JAG1: variants seen among roughly 807,000 people sequenced by gnomAD.
JAG1 encodes the protein protein jagged-1.
A neutral mutation model predicts 148.7 loss-of-function variants in JAG1; 23 were observed. The observed-to-expected ratio is 0.15, with a 90% CI of 0.11 to 0.22. JAG1 has a LOEUF of 0.22. Among genes scored for constraint, JAG1 ranks in the 10% least tolerant of loss-of-function variants. The pLI, the probability that JAG1 is intolerant of heterozygous loss-of-function variation, is 1.00. For missense variants in JAG1, 1,054 were observed against 1,611.2 expected, an observed-to-expected ratio of 0.65 and a Z score of 5.92; for synonymous variants, 572 against 598.3, an observed-to-expected ratio of 0.96 and a Z score of 0.64.
chr20:10,660,444 G>A (rs1277038583), intron 3 of JAG1, among the ~76,000 whole-genome samples: 2 of 152,168 alleles, frequency 1.3e-5, no homozygotes, highest in Non-Finnish European at 2.9e-5. Context: ...ATTACCACGC[G>A]CTTACAAGAT....
intron 25 of JAG1, 121 bp from the exon 26 acceptor site, chr20:10,640,076 G>C (rs533798218): frequency 1.3e-6 from 1 of 786,958 alleles, no homozygotes; most frequent in African/African-American, 1.7e-5. Context: ...GGGGGCCACA[G>C]GGACAAGTCC....
In JAG1 at chr20:10,638,171, G is replaced by C. The variant is rs887265634; in HGVS notation, c.*1327C>G. ...ATCTTGAACTTCGTAATAGCACTTT[G>C]ATTTCCTCACTTAAGGCAGGCAGTG... is the stretch of plus-strand genomic sequence containing the variant. On this transcript the variant is annotated 3_prime_UTR_variant, in exon 26 of 26. Transcript: ENST00000254958. 17 of 152,470 alleles carry C rather than the reference G, an allele frequency of 1.1e-4. No homozygotes were observed. The highest frequency in any genetic ancestry group is 3.9e-4 in the African/African-American group (16 of 41,410). The allele number at this position is 152,470 out of a possible 1,614,324, so 9.4% of individuals were successfully genotyped here.
chr20:10,662,339 A>G (rs1268624299), intron 3 of JAG1: 1 of 152,262 alleles, frequency 6.6e-6, no homozygotes, highest in Non-Finnish European at 1.5e-5. Flanking sequence ...CCCAGGGGAC[A>G]TAACTCCCTG....
intron 2 of JAG1, among the ~76,000 whole-genome samples, chr20:10,668,952 G>T (rs1222762277): frequency 6.6e-6 from 1 of 151,654 alleles, no homozygotes. Context: ...ATTCCTATAA[G>T]TACTGGAGGT....
intron 5 of JAG1, among the ~76,000 whole-genome samples, chr20:10,656,085 A>G (rs1057233225): frequency 2.0e-5 from 3 of 152,218 alleles, no homozygotes; most frequent in African/African-American, 7.2e-5. Flanking sequence ...ACAAGCCCAC[A>G]TCCCTCCATC....
intron 5 of JAG1, among the ~76,000 whole-genome samples, chr20:10,655,196 C>T (rs1168305421): frequency 4.6e-5 from 7 of 152,100 alleles, no homozygotes; most frequent in East Asian, 3.8e-4. Flanking sequence ...ACAGACGGAG[C>T]GGTGGAATCA....
Position 10,649,097 on chromosome 20 carries a change from G to A in JAG1, c.1359C>T (p.Asp453=), listed in dbSNP as rs2067328691. Reference sequence around the variant, plus strand: ...CGTCATTCTGACACTGGCCAAGGCAGTCATTAATATCTAAAAAATAAATAA... The same window carrying A: ...CGTCATTCTGACACTGGCCAAGGCAATCATTAATATCTAAAAAATAAATAA... The part of the protein sequence containing the change: ...MGQNCDININ[D]CLGQCQNDAS... Residue 453 remains aspartate (D), a synonymous_variant, in exon 11 of 26, where the codon GAC becomes GAT. Transcript: ENST00000254958. 2 of 1,604,914 alleles carry A rather than the reference G, an allele frequency of 1.2e-6. No individual in the cohort carries two copies. The highest frequency in any genetic ancestry group is 2.2e-5 in the South Asian group (2 of 90,806).
chr20:10,671,998 G>A (rs1216572351), intron 2 of JAG1, among the ~76,000 whole-genome samples: 1 of 151,834 alleles, frequency 6.6e-6, no homozygotes, highest in African/African-American at 2.4e-5. Flanking sequence ...CTGTTCCAGA[G>A]CCCGGGAACC....
intron 3 of JAG1, chr20:10,662,183 A>G (rs2067421787): frequency 6.6e-6 from 1 of 152,202 alleles, no homozygotes; most frequent in Non-Finnish European, 1.5e-5. Context: ...CTTGAGGTTT[A>G]AAAGAACTTT....
chr20:10,649,020 G>A (rs758163483), intron 11 of JAG1, 41 bp downstream of exon 11: 2 of 1,499,844 alleles, frequency 1.3e-6, no homozygotes, highest in Admixed American at 3.3e-5. Context: ...AAGATTTGTT[G>A]TCAATTGTCA....
intron 19 of JAG1, 79 bp from the exon 20 acceptor site, chr20:10,643,942 C>T: frequency 9.4e-7 from 1 of 1,064,722 alleles, no homozygotes; most frequent in Non-Finnish European, 1.4e-6. Context: ...TGTCACCACA[C>T]CAGTTACAGT....
At chr20:10,669,546 CCAAAAAAAAAAAAAAAAA>C (rs2067480511) in intron 2 of JAG1, among the ~76,000 whole-genome samples, 1 of 17,008 alleles carries the variant, frequency 5.9e-5, no homozygotes. Context: ...ATTGGATTTT[CCAAAAAAAAAAAAAAAAA>C]AAAAAAAAAA....
chr20:10,672,677 C>T, intron 2 of JAG1, 24 bp downstream of exon 2: 1 of 1,610,450 alleles, frequency 6.2e-7, no homozygotes, highest in Non-Finnish European at 8.5e-7. Flanking sequence ...CTCCGCCCGG[C>T]CTCCTTCCCG....
At position 10,641,845 on chromosome 20, in the gene JAG1, C is replaced by T. The variant is rs755568827; in HGVS notation, c.2620G>A (p.Ala874Thr). ...GTATTACAGTCATCATCCCATTTGG[C>T]CCCATCTGGTATCACACTCCCCATG... ...ITMGSVIPDG[A>T]KWDDDCNTCQ... Residue 874 changes from alanine to threonine, a missense_variant, in exon 22 of 26, where the codon GCC becomes ACC. Transcript: ENST00000254958. 6.2e-7 allele frequency: 1 copy of T among 1,614,050 alleles called. No individual in the cohort carries two copies. The highest frequency in any genetic ancestry group is 2.2e-5 in the East Asian group (1 of 44,884).
chr20:10,652,447 T>A, intron 6 of JAG1, 21 bp downstream of exon 6: 2 of 1,613,330 alleles, frequency 1.2e-6, no homozygotes, highest in Non-Finnish European at 1.7e-6. Context: ...CCACCCTGGG[T>A]CTCATCCCTA....
intron 25 of JAG1, among the ~76,000 whole-genome samples, chr20:10,640,572 T>C (rs1465165041): frequency 1.3e-5 from 2 of 152,202 alleles, no homozygotes; most frequent in Non-Finnish European, 2.9e-5. Flanking sequence ...GAACGTTGCA[T>C]AGTGTGTTGG....
In JAG1 at chr20:10,673,534, TGCGCCGC is replaced by T. The variant is rs926808324; in HGVS notation, c.-11_-5del. The T allele has an allele frequency of 3.6e-5, 45 of 1,239,548 alleles. No individual in the cohort carries two copies. The East Asian group carries it at 8.0e-4, about 22-fold the overall frequency. 76.8% of individuals were successfully genotyped at this position (1,239,548 alleles called of 1,614,324 possible). Reference sequence around the variant, plus strand: ...CGCGCGTCCGTGGGGAACGCATCGCTGCGCCGCGCGCCGCGGGCACTCGGGACGCCGC... The same window carrying T: ...CGCGCGTCCGTGGGGAACGCATCGCTGCGCCGCGGGCACTCGGGACGCCGC... On this transcript the variant is annotated 5_prime_UTR_variant, in exon 1 of 26. Transcript: ENST00000254958. The surrounding 1 kb of genome is among the most constrained non-coding windows in gnomAD (Gnocchi z 4.7).
intron 11 of JAG1, 37 bp from the exon 12 acceptor site, chr20:10,648,759 T>A: frequency 6.3e-7 from 1 of 1,593,536 alleles, no homozygotes; most frequent in Non-Finnish European, 8.6e-7. Flanking sequence ...ACACATGCTT[T>A]TTTTCTATGT....
chr20:10,639,100 A>C lies in JAG1; in HGVS notation c.*398T>G, dbSNP rs562655817. ...TCAAATACAGAACTACTTGTACGTC[A>C]TCATAAAACCAATATACAAAAACAA... On this transcript the variant is annotated 3_prime_UTR_variant, in exon 26 of 26. Coordinates refer to ENST00000254958, the MANE Select transcript of JAG1 (RefSeq NM_000214.3). The C allele has an allele frequency of 1.3e-5, 3 of 235,012 alleles. No individual in the cohort carries two copies. In the East Asian group the frequency reaches 2.7e-4, roughly 21 times the overall value. 14.6% of individuals were successfully genotyped at this position (235,012 alleles called of 1,614,324 possible). A position where few individuals can be genotyped will look rare whatever the true frequency, so the allele number is the denominator to read the frequency against.
Sources: allele counts gnomAD v4.1 joint callset (sites outside exome capture counted in the v4.1 genomes callset), GRCh38; gene constraint gnomAD v4.1.1; non-coding constraint Gnocchi (gnomAD v3.1); transcripts MANE v1.5; gene names NCBI Gene and HGNC (gene_info 2026-07-23, HGNC 2026-07-21).